Variants in CAST observed in about 807,000 individuals in gnomAD.
CAST encodes the protein MIR583 host.
Under a neutral mutation model 119.6 loss-of-function variants are expected in CAST, and 76 were observed. The ratio of observed to expected loss-of-function variants is 0.64; its 90% CI spans 0.53 to 0.77. The LOEUF (loss-of-function observed/expected upper bound fraction) is 0.77, where lower values mean the gene tolerates loss of function less well. Among genes scored for constraint, CAST ranks in the 30% least tolerant of loss-of-function variants. CAST has a pLI of 0.00. For synonymous variants in CAST, 319 were observed against 331.6 expected (o/e 0.96, Z 0.41); for missense variants, 953 against 946.5 (o/e 1.01, Z -0.09).
At chr5:96,385,543 C>T in the CAST span, among the ~76,000 whole-genome samples, 3 of 152,146 alleles carry the variant, frequency 2.0e-5, no homozygotes, top group Non-Finnish European at 2.9e-5. Flanking sequence ...TAGGATAATG[C>T]AAGCATTAGA....
chr5:96,663,049 C>G lies in CAST; in HGVS notation c.75+552C>G. 17 of 699,610 alleles carry G rather than the reference C, an allele frequency of 2.4e-5. 1 individual carries two copies. In the South Asian group the frequency reaches 2.5e-4, roughly 10 times the overall value. The allele number at this position is 699,610 out of a possible 1,614,324, so 43.3% of individuals were successfully genotyped here. On this transcript the variant is annotated intron_variant, in intron 1 of 31. Transcript: ENST00000675179. ...CAGTGCCAGCCCGGTCCCGGCCAAG[C>G]GGAGTGTGAGCCCGGCGCCTCCAAC...
chr5:96,268,609 TA>T, the CAST span, among the ~76,000 whole-genome samples: 1 of 151,508 alleles, frequency 6.6e-6, no homozygotes, highest in African/African-American at 2.4e-5. Flanking sequence ...AAAATAAAAA[TA>T]AATCAAAAAT....
the CAST span, among the ~76,000 whole-genome samples, chr5:96,158,339 T>C: frequency 6.6e-6 from 1 of 152,238 alleles, no homozygotes; most frequent in Non-Finnish European, 1.5e-5. Flanking sequence ...TCTGTGTCTG[T>C]CAGCAACAGC....
chr5:96,648,806 C>T (rs1382542976), intron 1 of CAST, among the ~76,000 whole-genome samples: 1 of 151,826 alleles, frequency 6.6e-6, no homozygotes, highest in Admixed American at 6.6e-5. Flanking sequence ...GGAATTCATT[C>T]CAGGCTGAAT....
At chr5:96,069,146 T>C in the CAST span, among the ~76,000 whole-genome samples, 1 of 151,614 alleles carries the variant, frequency 6.6e-6, no homozygotes, top group African/African-American at 2.4e-5. Context: ...AAGAGCTGTA[T>C]GTATATATGT....
At chr5:96,422,366 A>G in the CAST span, among the ~76,000 whole-genome samples, 1 of 152,208 alleles carries the variant, frequency 6.6e-6, no homozygotes, top group Non-Finnish European at 1.5e-5. Flanking sequence ...TTATGAATAT[A>G]GGTGCAAAGA....
At chr5:96,130,339 C>G in the CAST span, among the ~76,000 whole-genome samples, 1 of 150,706 alleles carries the variant, frequency 6.6e-6, no homozygotes, top group African/African-American at 2.4e-5. Flanking sequence ...TCAAGGCCAT[C>G]AAAAAACAAA....
chr5:96,412,770 T>TTTTTTTTTTTTTTTTTTTTTTG, the CAST span, among the ~76,000 whole-genome samples: 1 of 147,978 alleles, frequency 6.8e-6, no homozygotes, highest in African/African-American at 2.6e-5. Flanking sequence ...TTTTTTTTTT[T>TTTTTTTTTTTTTTTTTTTTTTG]TTTTTGGTCC....
intron 2 of CAST, among the ~76,000 whole-genome samples, chr5:96,688,638 A>G (rs1295882985): frequency 1.3e-5 from 2 of 151,968 alleles, no homozygotes; most frequent in East Asian, 1.9e-4. Context: ...TTCATATAAC[A>G]TACTTATAAT....
the CAST span, among the ~76,000 whole-genome samples, chr5:96,178,023 A>G: frequency 6.6e-6 from 1 of 152,230 alleles, no homozygotes; most frequent in Non-Finnish European, 1.5e-5. Flanking sequence ...TTGTATACCA[A>G]CACAACCAAG....
chr5:96,261,584 G>A, the CAST span, among the ~76,000 whole-genome samples: 4 of 152,158 alleles, frequency 2.6e-5, no homozygotes, highest in Non-Finnish European at 5.9e-5. Context: ...GGAACTCTTA[G>A]AGGCCTTCCT....
At chr5:96,663,556 C>T (rs115034068) in intron 1 of CAST, among the ~76,000 whole-genome samples, 91 of 152,240 alleles carry the variant, frequency 6.0e-4, no homozygotes, top group African/African-American at 2.1e-3. Flanking sequence ...TTTTTTAACC[C>T]CTAAGTAAAG....
the CAST span, among the ~76,000 whole-genome samples, chr5:96,257,521 G>A: frequency 6.6e-6 from 1 of 152,288 alleles, no homozygotes; most frequent in African/African-American, 2.4e-5. Context: ...CTGAATTGAC[G>A]TTGATGTTGA....
At chr5:96,616,750 A>C (rs1440666408) in intron 1 of CAST, among the ~76,000 whole-genome samples, 238 of 108,748 alleles carry the variant, frequency 2.2e-3, no homozygotes, top group African/African-American at 0.01. Flanking sequence ...CTCTCTATAT[A>C]TATACACACA....
the CAST span, among the ~76,000 whole-genome samples, chr5:96,167,790 C>A: frequency 6.6e-6 from 1 of 152,240 alleles, no homozygotes; most frequent in East Asian, 1.9e-4. Context: ...TCTACCCAGA[C>A]CAAGAGGTAT....
At chr5:96,594,071 C>T (rs1234496640) in intron 1 of CAST, among the ~76,000 whole-genome samples, 1 of 152,200 alleles carries the variant, frequency 6.6e-6, no homozygotes, top group East Asian at 1.9e-4. Context: ...ACAAGGTAAG[C>T]ATGTTACATG....
intron 1 of CAST, among the ~76,000 whole-genome samples, chr5:96,613,573 GA>G (rs1306733061): frequency 6.6e-6 from 1 of 152,156 alleles, no homozygotes; most frequent in African/African-American, 2.4e-5. Flanking sequence ...CAGTGATGGG[GA>G]CGGGATGCAA....
At chr5:96,122,664 T>TTCTCAAACTTCATGTGCACA in the CAST span, among the ~76,000 whole-genome samples, 1 of 152,150 alleles carries the variant, frequency 6.6e-6, no homozygotes, top group South Asian at 2.1e-4. Flanking sequence ...TGTGCACATA[T>TTCTCAAACTTCATGTGCACA]CAGTTGAAGA....
the CAST span, among the ~76,000 whole-genome samples, chr5:95,991,652 C>T: frequency 1.3e-4 from 19 of 151,698 alleles, no homozygotes; most frequent in East Asian, 5.8e-4. Context: ...ATTATAGGCA[C>T]GTGCCACTGC....
Sources: gnomAD v4.1 joint callset for allele counts (sites outside exome capture counted in the v4.1 genomes callset) on GRCh38, gnomAD v4.1.1 for gene constraint, MANE v1.5 for transcripts, NCBI Gene and HGNC (gene_info 2026-07-23, HGNC 2026-07-21) for gene names.